The following KLHL26 variants were observed in gnomAD, a reference collection of about 807,000 sequenced individuals.
KLHL26 encodes the protein kelch like family member 26, also known as kelch-like protein 26.
KLHL26 carries 4 observed loss-of-function variants against 7.1 expected under a neutral mutation model. The ratio of observed to expected loss-of-function variants is 0.56; its 90% CI spans 0.28 to 1.28. KLHL26 has a LOEUF of 1.28. Ranked by LOEUF, KLHL26 falls within the 50% of genes most tolerant of loss-of-function variation. KLHL26 has a pLI of 0.11. For synonymous variants in KLHL26, 465 were observed against 414.1 expected, an observed-to-expected ratio of 1.12 and a Z score of -1.49; for missense variants, 896 against 924.6, an observed-to-expected ratio of 0.97 and a Z score of 0.40.
Position 18,667,934 on chromosome 19 carries a change from G to T in KLHL26, c.537G>T (p.Ser179=), listed in dbSNP as rs368642684. 6.8e-6 allele frequency: 11 copies of T among 1,610,784 alleles called. No homozygotes were observed. The highest frequency in any genetic ancestry group is 1.7e-5 in the Admixed American group (1 of 60,010). The part of the protein sequence containing the change: ...GQMATTFSLA[S]LRESVDAFTF... The stretch of plus-strand genomic sequence containing the variant: ...TGGCCACCACCTTCAGCCTGGCCTC[G>T]CTGCGAGAGTCGGTGGATGCCTTCA... The change falls in exon 3 of 3, where the codon TCG becomes TCT. Residue 179 remains serine (S), a synonymous_variant. Coordinates refer to ENST00000300976, the MANE Select transcript of KLHL26 (RefSeq NM_018316.3).
chr19:18,662,158 T>C (rs149826350), intron 1 of KLHL26, among the ~76,000 whole-genome samples: 1 of 152,258 alleles, frequency 6.6e-6, no homozygotes, highest in African/African-American at 2.4e-5. Context: ...TTTCTTCTGA[T>C]GAAAATGTAC....
chr19:18,662,759 C>T (rs191012450), intron 1 of KLHL26, among the ~76,000 whole-genome samples: 6 of 152,096 alleles, frequency 3.9e-5, no homozygotes, highest in Non-Finnish European at 8.8e-5. Flanking sequence ...TCACAAGCCT[C>T]GGATCTGGAT....
In KLHL26 at chr19:18,637,135, C is replaced by T. The variant is rs1039574984; in HGVS notation, c.81C>T (p.Asn27=). 3 of 1,340,140 alleles carry T rather than the reference C, an allele frequency of 2.2e-6. No individual in the cohort carries two copies. The African/African-American group carries it at 4.6e-5, about 21-fold the overall frequency. The allele number at this position is 1,340,140 out of a possible 1,614,324, so 83.0% of individuals were successfully genotyped here. A position where few individuals can be genotyped will look rare whatever the true frequency, so the allele number is the denominator to read the frequency against. ...FGAGPGPERP[N]STADKNGALK... ...CGGGCCCGGGCCCCGAGCGCCCGAA[C>T]AGGTGAGACCCGGCCCGCAGGATAG... The change falls in exon 1 of 3, where the codon AAC becomes AAT. Residue 27 remains asparagine (N), a splice_region_variant and synonymous_variant. Coordinates refer to ENST00000300976, the MANE Select transcript of KLHL26 (RefSeq NM_018316.3).
intron 2 of KLHL26, among the ~76,000 whole-genome samples, chr19:18,665,614 A>G (rs1051306765): frequency 6.6e-6 from 1 of 152,216 alleles, no homozygotes; most frequent in Non-Finnish European, 1.5e-5. Context: ...CACTTCCCCA[A>G]CGTGACAGAA....
chr19:18,647,410 G>C (rs1047210759), intron 1 of KLHL26, among the ~76,000 whole-genome samples: 3 of 152,196 alleles, frequency 2.0e-5, no homozygotes, highest in African/African-American at 7.2e-5. Context: ...CTGTAAAAGG[G>C]AGGCTTTCTC....
chr19:18,660,403 G>A (rs1461421006), intron 1 of KLHL26, among the ~76,000 whole-genome samples: 8 of 152,204 alleles, frequency 5.3e-5, no homozygotes, highest in Admixed American at 1.3e-4. Flanking sequence ...GGCCCTGGCC[G>A]GGGCTGCTGA....
At chr19:18,658,904 CCTCT>C (rs2052363310) in intron 1 of KLHL26, among the ~76,000 whole-genome samples, 1 of 150,146 alleles carries the variant, frequency 6.7e-6, no homozygotes, top group Non-Finnish European at 1.5e-5. Flanking sequence ...GTCTCTGTCC[CCTCT>C]CTCTGGGTCT....
chr19:18,654,129 A>C (rs1290910122), intron 1 of KLHL26, among the ~76,000 whole-genome samples: 7 of 71,978 alleles, frequency 9.7e-5, no homozygotes, highest in South Asian at 4.8e-4. Flanking sequence ...CCACCTGCCC[A>C]CTCTTCCATC....
At position 18,670,894 on chromosome 19, in the gene KLHL26, G is replaced by A. The variant is rs562197173; in HGVS notation, c.*1649G>A. 6.6e-6 allele frequency: 1 copy of A among 152,240 alleles called. No individual in the cohort carries two copies. Among genetic ancestry groups the A allele is most frequent in the African/African-American group, 2.4e-5 (1 of 41,520 alleles). 9.4% of individuals were successfully genotyped at this position (152,240 alleles called of 1,614,324 possible). ...CACCCGGCTAATTTTTGTATTTTTA[G>A]TACAGACGGGGTTTCACCATGTTGG... On this transcript the variant is annotated 3_prime_UTR_variant, in exon 3 of 3. Coordinates refer to ENST00000300976, the MANE Select transcript of KLHL26 (RefSeq NM_018316.3).
chr19:18,668,092 G>T lies in KLHL26; in HGVS notation c.695G>T (p.Arg232Leu), dbSNP rs753595186. The T allele has an allele frequency of 4.4e-6, 7 of 1,604,538 alleles. No individual in the cohort carries two copies. The highest frequency in any genetic ancestry group is 2.2e-5 in the South Asian group (2 of 91,064). The change falls in exon 3 of 3, where the codon CGC (arginine) becomes CTC (leucine). Residue 232 changes from arginine to leucine, a missense_variant. Coordinates refer to ENST00000300976, the MANE Select transcript of KLHL26 (RefSeq NM_018316.3). Reference sequence around the variant, plus strand: ...ATCGACCTGTTCCGCGCGGCCGTCCGCTGGCTGCAGCATGACCCGGCCCGG... The same window carrying T: ...ATCGACCTGTTCCGCGCGGCCGTCCTCTGGCTGCAGCATGACCCGGCCCGG... ...AEIDLFRAAV[R>L]WLQHDPARRP...
chr19:18,656,560 G>A lies in KLHL26; in HGVS notation c.84-7701G>A, dbSNP rs985413829. 6.6e-6 allele frequency among the ~76,000 whole-genome samples: 1 copy of A among 152,156 alleles called. No homozygotes were observed. Among genetic ancestry groups the A allele is most frequent in the African/African-American group, 2.4e-5 (1 of 41,428 alleles). On this transcript the variant is annotated intron_variant, in intron 1 of 2. Coordinates refer to ENST00000300976, the MANE Select transcript of KLHL26 (RefSeq NM_018316.3). This position sits in a 1 kb window ranked among gnomAD's most constrained non-coding sequence, Gnocchi z 4.4. ...GCTGAAGCCAAGGACAGACAGGCAG[G>A]GAATGGCTCCAGATCAGGAGGCTGG...
In KLHL26 at chr19:18,669,394, G is replaced by GTCCC; in HGVS notation, c.*161_*164dup. On this transcript the variant is annotated 3_prime_UTR_variant, in exon 3 of 3. Coordinates refer to ENST00000300976, the MANE Select transcript of KLHL26 (RefSeq NM_018316.3). ...GCGTTGATAAGCCCCCCTCCCAGGG[G>GTCCC]TCCCTCCCTCCCTCCTTCCCAAAGC... 1.6e-6 allele frequency: 1 copy of GTCCC among 629,374 alleles called. No individual in the cohort carries two copies. The highest frequency in any genetic ancestry group is 2.7e-5 in the East Asian group (1 of 36,548). 39.0% of individuals were successfully genotyped at this position (629,374 alleles called of 1,614,324 possible).
intron 2 of KLHL26, among the ~76,000 whole-genome samples, chr19:18,667,016 C>CG (rs2052454734): frequency 1.3e-5 from 2 of 152,198 alleles, no homozygotes; most frequent in African/African-American, 4.8e-5. Flanking sequence ...GAGGCTGACC[C>CG]GGGCCACCGC....
chr19:18,653,541 C>G (rs1406535315), intron 1 of KLHL26, among the ~76,000 whole-genome samples: 2 of 122,336 alleles, frequency 1.6e-5, no homozygotes, highest in Admixed American at 8.1e-5. Context: ...ATCCACCCAC[C>G]CTTCCATCAG....
In KLHL26 at chr19:18,664,270, C is replaced by A; in HGVS notation, c.93C>A (p.Asp31Glu). 1 of 1,598,766 alleles carries A rather than the reference C, an allele frequency of 6.3e-7. No homozygotes were observed. The highest frequency in any genetic ancestry group is 8.5e-7 in the Non-Finnish European group (1 of 1,173,462). ...TCTGCTTTCCCCGCAGCACGGCCGA[C>A]AAGAACGGGGCCCTCAAGTGCACCT... Reference protein sequence around the residue: ...PGPERPNSTADKNGALKCTFS... With the variant: ...PGPERPNSTAEKNGALKCTFS... The change falls in exon 2 of 3, where the codon GAC becomes GAA. Residue 31 changes from aspartate (D) to glutamate (E), a missense_variant. Physicochemically the swap from Asp to Glu is conservative, Grantham distance 45. Transcript: ENST00000300976.
rs1345056593 is a variant in KLHL26, at chr19:18,668,494, C to G, written c.1097C>G (p.Ala366Gly). Residue 366 changes from alanine (A) to glycine (G), a missense_variant, in exon 3 of 3, where the codon GCC (alanine) becomes GGC (glycine). Ala to Gly is a moderately conservative substitution (Grantham distance 60). Coordinates refer to ENST00000300976, the MANE Select transcript of KLHL26 (RefSeq NM_018316.3). Reference protein sequence around the residue: ...VAVLDNFVYVAGGQHLQYRSG... With the variant: ...VAVLDNFVYVGGGQHLQYRSG... The stretch of plus-strand genomic sequence containing the variant: ...GTGCTGGACAATTTTGTGTACGTGG[C>G]CGGGGGGCAGCACCTGCAGTACCGC... 1.2e-6 allele frequency: 2 copies of G among 1,606,484 alleles called. No individual in the cohort carries two copies. The highest frequency in any genetic ancestry group is 1.7e-6 in the Non-Finnish European group (2 of 1,177,964).
chr19:18,653,665 C>T, intron 1 of KLHL26, among the ~76,000 whole-genome samples: 1 of 37,460 alleles, frequency 2.7e-5, no homozygotes, highest in Admixed American at 2.6e-4. Context: ...TCCATCAGTC[C>T]ACACTTCCAT....
At chr19:18,664,633 G>A (rs532958249) in intron 2 of KLHL26, among the ~76,000 whole-genome samples, 190 bp downstream of exon 2, 2 of 152,132 alleles carry the variant, frequency 1.3e-5, no homozygotes, top group Non-Finnish European at 2.9e-5. Flanking sequence ...CCAGGCTGGA[G>A]TGCAGTGGCA....
chr19:18,663,425 C>T (rs369816016), intron 1 of KLHL26, among the ~76,000 whole-genome samples: 1 of 152,348 alleles, frequency 6.6e-6, no homozygotes, highest in South Asian at 2.1e-4. Flanking sequence ...CTTTAATGCC[C>T]ACTGTGGTTT....
Sources: gnomAD v4.1 joint callset for allele counts (sites outside exome capture counted in the v4.1 genomes callset) on GRCh38, gnomAD v4.1.1 for gene constraint, Gnocchi (gnomAD v3.1) non-coding constraint, MANE v1.5 for transcripts, NCBI Gene and HGNC (gene_info 2026-07-23, HGNC 2026-07-21) for gene names.